The following DLGAP1 variants were observed in gnomAD, a reference collection of about 807,000 sequenced individuals.
DLGAP1 encodes disks large-associated protein 1.
In DLGAP1, 11 loss-of-function variants were observed where a neutral mutation model predicts 90.8. The observed-to-expected ratio is 0.12, with a 90% CI of 0.08 to 0.20. The LOEUF is 0.20. Ranked by LOEUF, DLGAP1 falls within the 10% of genes least tolerant of loss-of-function variation. The pLI, the probability that DLGAP1 is intolerant of heterozygous loss-of-function variation, is 1.00. For synonymous variants in DLGAP1, 558 were observed against 540.7 expected (o/e 1.03, Z -0.44); for missense variants, 1,050 against 1,333.8 (o/e 0.79, Z 3.31).
intron 2 of DLGAP1, among the ~76,000 whole-genome samples, chr18:4,134,637 T>C (rs1472291200): frequency 1.3e-5 from 2 of 152,138 alleles, no homozygotes; most frequent in Non-Finnish European, 1.5e-5. Flanking sequence ...AAATGTTTTC[T>C]CATGTGTAAC....
chr18:4,379,395 A>T (rs1461128425), intron 1 of DLGAP1, among the ~76,000 whole-genome samples: 1 of 152,086 alleles, frequency 6.6e-6, no homozygotes, highest in Non-Finnish European at 1.5e-5. Context: ...TTTCTTAGAG[A>T]AGCTAATTTG....
At chr18:4,148,169 A>G (rs2076617402) in intron 2 of DLGAP1, among the ~76,000 whole-genome samples, 1 of 152,156 alleles carries the variant, frequency 6.6e-6, no homozygotes, top group Non-Finnish European at 1.5e-5. Context: ...CAACAAAATA[A>G]AGCGGGCTAG....
intron 7 of DLGAP1, among the ~76,000 whole-genome samples, chr18:3,628,729 A>C (rs1396736198): frequency 6.6e-6 from 1 of 152,190 alleles, no homozygotes; most frequent in African/African-American, 2.4e-5. Context: ...AAATTAAAAG[A>C]AGCTTACTAC....
chr18:4,303,572 T>A (rs946213244), intron 1 of DLGAP1, among the ~76,000 whole-genome samples: 1 of 152,126 alleles, frequency 6.6e-6, no homozygotes, highest in Non-Finnish European at 1.5e-5. Flanking sequence ...GTATTGACAA[T>A]TCAAATTTTT....
At chr18:4,444,637 G>C (rs1376500556) in intron 1 of DLGAP1, among the ~76,000 whole-genome samples, 2 of 152,124 alleles carry the variant, frequency 1.3e-5, no homozygotes, top group Admixed American at 1.3e-4. Flanking sequence ...ATAAGACAGG[G>C]ATTTTTCAGC....
chr18:3,557,610 T>A (rs2053832830), intron 9 of DLGAP1, among the ~76,000 whole-genome samples: 1 of 152,250 alleles, frequency 6.6e-6, no homozygotes, highest in Non-Finnish European at 1.5e-5. Flanking sequence ...AAGTGTGCTG[T>A]TAAATCTCAG....
intron 1 of DLGAP1, among the ~76,000 whole-genome samples, chr18:4,211,783 C>A (rs1325259019): frequency 6.6e-6 from 1 of 152,226 alleles, no homozygotes; most frequent in Non-Finnish European, 1.5e-5. Context: ...TGAATCACTA[C>A]AGGCAAGTGA....
At chr18:4,447,032 T>A (rs1031112626) in intron 1 of DLGAP1, among the ~76,000 whole-genome samples, 1 of 152,226 alleles carries the variant, frequency 6.6e-6, no homozygotes, top group Non-Finnish European at 1.5e-5. Context: ...CACCAAGTGT[T>A]GACAAGGATA....
intron 3 of DLGAP1, among the ~76,000 whole-genome samples, chr18:3,907,166 A>C (rs1252244617): frequency 1.6e-5 from 2 of 123,546 alleles, no homozygotes; most frequent in Non-Finnish European, 3.7e-5. Flanking sequence ...GGGTCCTGGG[A>C]CCAATACCCC....
chr18:4,184,830 C>G (rs1243045424), intron 1 of DLGAP1, among the ~76,000 whole-genome samples: 1 of 152,104 alleles, frequency 6.6e-6, no homozygotes, highest in East Asian at 1.9e-4. Context: ...TTCTTCCATT[C>G]TAAGCACCCT....
At chr18:3,893,330 G>A (rs1014286483) in intron 3 of DLGAP1, among the ~76,000 whole-genome samples, 2 of 151,954 alleles carry the variant, frequency 1.3e-5, no homozygotes, top group Non-Finnish European at 2.9e-5. Context: ...TAATTCCAGC[G>A]CTTTGGGAGG....
At chr18:3,772,284 C>T (rs1000169531) in intron 5 of DLGAP1, among the ~76,000 whole-genome samples, 2 of 146,846 alleles carry the variant, frequency 1.4e-5, no homozygotes, top group Non-Finnish European at 3.0e-5. Flanking sequence ...CCTTTCTCTC[C>T]TTTTCTCCTT....
intron 3 of DLGAP1, among the ~76,000 whole-genome samples, chr18:3,920,508 C>A (rs1282132574): frequency 6.6e-6 from 1 of 152,190 alleles, no homozygotes; most frequent in South Asian, 2.1e-4. Context: ...TCAGTTTATG[C>A]CCCACTTTTT....
chr18:3,925,424 A>G (rs988739385), intron 3 of DLGAP1, among the ~76,000 whole-genome samples: 4 of 151,922 alleles, frequency 2.6e-5, no homozygotes, highest in African/African-American at 9.7e-5. Context: ...CTCCACTTAG[A>G]CTACTGATTT....
At position 3,518,070 on chromosome 18, in the gene DLGAP1, T is replaced by A. The variant is rs573567650; in HGVS notation, c.2480-9409A>T. On this transcript the variant is annotated intron_variant, in intron 10 of 12. Transcript: ENST00000315677. ...GCCTAGCTTCTGGCTTATTTTGACT[T>A]TTGACATGCCTTCCTAACTAAGCTT... Among the ~76,000 whole-genome samples, 7 of 152,326 alleles carry A rather than the reference T, an allele frequency of 4.6e-5. 1 individual carries two copies. The South Asian group carries it at 1.4e-3, about 32-fold the overall frequency.
intron 7 of DLGAP1, among the ~76,000 whole-genome samples, chr18:3,649,819 T>C (rs1457349619): frequency 6.6e-6 from 1 of 151,742 alleles, no homozygotes; most frequent in Non-Finnish European, 1.5e-5. Flanking sequence ...AAAAGATAAA[T>C]GTGAGAGAGC....
chr18:3,833,635 T>C (rs975615249), intron 4 of DLGAP1, among the ~76,000 whole-genome samples: 6 of 152,198 alleles, frequency 3.9e-5, no homozygotes, highest in African/African-American at 1.4e-4. Flanking sequence ...TTGGGTATCA[T>C]GAAATATTTA....
chr18:3,937,720 G>C (rs1488652314), intron 3 of DLGAP1, among the ~76,000 whole-genome samples: 1 of 152,154 alleles, frequency 6.6e-6, no homozygotes, highest in Non-Finnish European at 1.5e-5. Context: ...AGCTTATGCT[G>C]TTTCCTTATA....
chr18:3,779,762 C>T lies in DLGAP1; in HGVS notation c.1172+34297G>A, dbSNP rs1303066536. On this transcript the variant is annotated intron_variant, in intron 5 of 12. Transcript: ENST00000315677. ...GCTATTATATAGAGTGGTCAGTGCA[C>T]CCTTTTTTTTTTTTTACTCTTTCTT... 7.1e-5 allele frequency among the ~76,000 whole-genome samples: 8 copies of T among 112,502 alleles called. No homozygotes were observed. In the South Asian group the frequency reaches 2.0e-3, roughly 29 times the overall value. The allele number at this position is 112,502 out of a possible 152,430, so 73.8% of individuals were successfully genotyped here. A position where few individuals can be genotyped will look rare whatever the true frequency, so the allele number is the denominator to read the frequency against.
Sources: allele counts gnomAD v4.1 joint callset (sites outside exome capture counted in the v4.1 genomes callset), GRCh38; gene constraint gnomAD v4.1.1; transcripts MANE v1.5; gene names NCBI Gene and HGNC (gene_info 2026-07-23, HGNC 2026-07-21).